The following DPP3 variants were observed in gnomAD, a reference collection of about 807,000 sequenced individuals.
The protein encoded by DPP3 is DPP III.
DPP3 carries 64 observed loss-of-function variants against 89.8 expected under a neutral mutation model. That is an observed-to-expected ratio of 0.71 (90% CI 0.58 to 0.88). The LOEUF is 0.88. Ranked by LOEUF, DPP3 falls within the 40% of genes least tolerant of loss-of-function variation. The probability of loss-of-function intolerance (pLI) is 0.00; values close to 1 mark genes in which losing one functional copy is unlikely to be tolerated. For synonymous variants in DPP3, 377 were observed against 404.3 expected, an observed-to-expected ratio of 0.93 and a Z score of 0.81; for missense variants, 835 against 972.5, an observed-to-expected ratio of 0.86 and a Z score of 1.88.
At chr11:66,506,479 T>C (rs1027183768) in intron 17 of DPP3, among the ~76,000 whole-genome samples, 1 of 151,912 alleles carries the variant, frequency 6.6e-6, no homozygotes, top group Non-Finnish European at 1.5e-5. Context: ...GGTCTCGAAC[T>C]CCTGACCTCA....
At position 66,492,917 on chromosome 11, in the gene DPP3, G is replaced by T; in HGVS notation, c.1183+7G>T. On this transcript the variant is annotated splice_region_variant and intron_variant, in intron 10 of 17. Transcript: ENST00000531863. ...GGCATCAACATCCCCAACTGTGAGT[G>T]TCTCAGGCCCAGCCCCCGAGCCCCA... 6.2e-7 allele frequency: 1 copy of T among 1,605,318 alleles called. No homozygotes were observed. The highest frequency in any genetic ancestry group is 1.1e-5 in the South Asian group (1 of 89,898).
Position 66,491,551 on chromosome 11 carries a change from A to G in DPP3, c.856A>G (p.Thr286Ala), listed in dbSNP as rs201409106. The change falls in exon 8 of 18, where the codon ACC (threonine) becomes GCC (alanine). Residue 286 changes from threonine (T) to alanine (A), a missense_variant. Physicochemically the swap from Thr to Ala is moderately conservative, Grantham distance 58. Coordinates refer to ENST00000531863, the MANE Select transcript of DPP3 (RefSeq NM_130443.4). ...GCTGGCCCAGTATATAGAGAGCTTC[A>G]CCCAGGGCTCCATCGAGGCCCACAA... ...QMLAQYIESFTQGSIEAHKRG... is the reference protein window; with the variant it reads ...QMLAQYIESFAQGSIEAHKRG... 1.2e-6 allele frequency: 2 copies of G among 1,613,594 alleles called. No individual in the cohort carries two copies. The highest frequency in any genetic ancestry group is 1.7e-6 in the Non-Finnish European group (2 of 1,179,822).
intron 9 of DPP3, chr11:66,492,397 T>C: frequency 7.1e-6 from 2 of 283,450 alleles, no homozygotes; most frequent in East Asian, 6.9e-5. Context: ...TAGAAGAGTC[T>C]GAGCATCTGC....
Position 66,485,258 on chromosome 11 carries a change from C to A in DPP3, c.356C>A (p.Pro119His). Residue 119 changes from proline (P) to histidine (H), a missense_variant, in exon 3 of 18, where the codon CCC becomes CAC. By Grantham distance (77) the Pro-to-His change is moderately conservative. Coordinates refer to ENST00000531863, the MANE Select transcript of DPP3 (RefSeq NM_130443.4). ...GACACCAAGTTTGTTCCCAACTTGC[C>A]CAAGGTGAGCCAAGGGAGGGTTGGG... ...FGDTKFVPNL[P>H]KEKLERVILG... is the part of the protein sequence containing the mutation. The A allele has an allele frequency of 6.2e-7, 1 of 1,613,924 alleles. No homozygotes were observed. Among genetic ancestry groups the A allele is most frequent in the Non-Finnish European group, 8.5e-7 (1 of 1,179,960 alleles).
chr11:66,495,418 C>T lies in DPP3; in HGVS notation c.1506C>T (p.Ile502=), dbSNP rs762293514. The change falls in exon 14 of 18, where the codon ATC becomes ATT. Residue 502 remains isoleucine (I), a synonymous_variant. Transcript: ENST00000531863. ...GETWDSKFST[I]ASSYEECRAE... is the part of the protein sequence containing the mutation. ...CCTGGGATAGCAAGTTCAGCACCAT[C>T]GCCTCCAGCTACGAAGAGTGCCGGG... 6 of 1,612,726 alleles carry T rather than the reference C, an allele frequency of 3.7e-6. No individual in the cohort carries two copies. The highest frequency in any genetic ancestry group is 1.1e-5 in the South Asian group (1 of 90,952).
Position 66,509,064 on chromosome 11 carries a change from C to T in DPP3, c.2042-15C>T, listed in dbSNP as rs200682934. On this transcript the variant is annotated splice_polypyrimidine_tract_variant and intron_variant, in intron 17 of 17. Coordinates refer to ENST00000531863, the MANE Select transcript of DPP3 (RefSeq NM_130443.4). ...CAGACCTTTCCCTGCTGTTTTCTCT[C>T]CATCTCCTCCCCAGGCTCAGACGTG... 2.4e-5 allele frequency: 39 copies of T among 1,613,024 alleles called. No homozygotes were observed. In the South Asian group the frequency reaches 4.3e-4, roughly 18 times the overall value.
At chr11:66,506,632 C>T (rs1430642072) in intron 17 of DPP3, among the ~76,000 whole-genome samples, 1 of 152,116 alleles carries the variant, frequency 6.6e-6, no homozygotes, top group Non-Finnish European at 1.5e-5. Context: ...TTGGCCCCAA[C>T]CCTTGCCAGC....
intron 15 of DPP3, 143 bp downstream of exon 15, chr11:66,495,893 C>CA: frequency 7.2e-7 from 1 of 1,384,048 alleles, no homozygotes; most frequent in Non-Finnish European, 9.6e-7. Flanking sequence ...AGGCAAGTCA[C>CA]ATCACTCTTG....
intron 16 of DPP3, among the ~76,000 whole-genome samples, chr11:66,500,203 A>T (rs1229169307): frequency 6.6e-6 from 1 of 152,174 alleles, no homozygotes; most frequent in East Asian, 1.9e-4. Context: ...AAACATAAAA[A>T]ATTAGCCAGG....
chr11:66,505,276 G>T (rs936445323), intron 17 of DPP3, among the ~76,000 whole-genome samples: 1 of 152,258 alleles, frequency 6.6e-6, no homozygotes, highest in South Asian at 2.1e-4. Flanking sequence ...TGTATCTTTC[G>T]TATTCAGACC....
chr11:66,492,848 C>G lies in DPP3; in HGVS notation c.1121C>G (p.Thr374Ser). 2 of 1,614,140 alleles carry G rather than the reference C, an allele frequency of 1.2e-6. No individual in the cohort carries two copies. Among genetic ancestry groups the G allele is most frequent in the Non-Finnish European group, 1.7e-6 (2 of 1,180,024 alleles). The change falls in exon 10 of 18, where the codon ACC (threonine) becomes AGC (serine). Residue 374 changes from threonine (T) to serine (S), a missense_variant. Thr to Ser is a moderately conservative substitution (Grantham distance 58). Coordinates refer to ENST00000531863, the MANE Select transcript of DPP3 (RefSeq NM_130443.4). Reference protein sequence around the residue: ...EKDKFLTPDFTSLDVLTFAGS... With the variant: ...EKDKFLTPDFSSLDVLTFAGS... ...GACAAGTTCCTCACCCCTGACTTCA[C>G]CTCCCTGGATGTTCTCACCTTCGCT...
Position 66,487,984 on chromosome 11 carries a change from G to A in DPP3, c.644G>A (p.Arg215Gln), listed in dbSNP as rs757586617. 9.9e-6 allele frequency: 16 copies of A among 1,613,890 alleles called. No individual in the cohort carries two copies. Among genetic ancestry groups the A allele is most frequent in the African/African-American group, 2.7e-5 (2 of 74,898 alleles). ...DGEGKPYYEV[R>Q]LASVLGSEPS... Reference sequence around the variant, plus strand: ...GAAGGGAAGCCCTACTACGAGGTGCGGCTGGCTTCTGTGCTTGGCTCAGGT... The same window carrying A: ...GAAGGGAAGCCCTACTACGAGGTGCAGCTGGCTTCTGTGCTTGGCTCAGGT... The change falls in exon 6 of 18, where the codon CGG becomes CAG. Residue 215 changes from arginine to glutamine, a missense_variant. By Grantham distance (43) the Arg-to-Gln change is conservative. Transcript: ENST00000531863.
intron 5 of DPP3, 87 bp downstream of exon 5, chr11:66,487,429 C>A: frequency 7.5e-7 from 1 of 1,333,914 alleles, no homozygotes; most frequent in Non-Finnish European, 1.1e-6. Context: ...ACTCCTGGGT[C>A]TCTGCTTGAC....
chr11:66,494,633 C>G (rs1054967413), intron 12 of DPP3, among the ~76,000 whole-genome samples: 6 of 152,212 alleles, frequency 3.9e-5, no homozygotes, highest in African/African-American at 1.2e-4. Context: ...TGAGAGACAG[C>G]GTCCACGGAG....
At chr11:66,497,848 A>G (rs1239635336) in intron 16 of DPP3, among the ~76,000 whole-genome samples, 1 of 151,616 alleles carries the variant, frequency 6.6e-6, no homozygotes, top group Non-Finnish European at 1.5e-5. Context: ...CCATGATTGC[A>G]CCACTACACT....
chr11:66,504,669 A>G lies in DPP3; in HGVS notation c.1936A>G (p.Thr646Ala), dbSNP rs758466357. The change falls in exon 17 of 18, where the codon ACA becomes GCA. Residue 646 changes from threonine to alanine, a missense_variant. Transcript: ENST00000531863. ...GGRALYEGYA[T>A]VTDAPPECFL... ...GCGGGCCCTGTACGAGGGGTATGCA[A>G]CAGTCACTGATGCGCCCCCCGAGTG... 16 of 1,613,204 alleles carry G rather than the reference A, an allele frequency of 9.9e-6. No individual in the cohort carries two copies. In the African/African-American group the frequency reaches 1.1e-4, roughly 11 times the overall value.
intron 2 of DPP3, among the ~76,000 whole-genome samples, chr11:66,484,724 G>C (rs1482794033): frequency 6.7e-6 from 1 of 148,318 alleles, no homozygotes; most frequent in Non-Finnish European, 1.5e-5. Context: ...GGAAGATCTG[G>C]GGCCAGCAGA....
At chr11:66,491,655 C>T (rs780185563) in intron 8 of DPP3, 31 bp downstream of exon 8, 1 of 1,610,050 alleles carries the variant, frequency 6.2e-7, no homozygotes, top group East Asian at 2.2e-5. Context: ...CACCTGCCCC[C>T]TCCTGCCTGC....
At chr11:66,489,704 T>C (rs1855324109) in intron 6 of DPP3, among the ~76,000 whole-genome samples, 1 of 152,174 alleles carries the variant, frequency 6.6e-6, no homozygotes, top group Non-Finnish European at 1.5e-5. Flanking sequence ...GAACAGCCGG[T>C]CGCTGGGTGA....
Sources: gnomAD v4.1 joint callset for allele counts (sites outside exome capture counted in the v4.1 genomes callset) on GRCh38, gnomAD v4.1.1 for gene constraint, MANE v1.5 for transcripts, NCBI Gene and HGNC (gene_info 2026-07-23, HGNC 2026-07-21) for gene names.